Variants in PCDH15 observed in about 807,000 individuals in gnomAD.
The protein encoded by PCDH15 is protocadherin-15.
A neutral mutation model predicts 178.5 loss-of-function variants in PCDH15; 129 were observed. The observed-to-expected ratio is 0.72, with a 90% CI of 0.63 to 0.84. The LOEUF (loss-of-function observed/expected upper bound fraction) is 0.84, where lower values mean the gene tolerates loss of function less well. Among genes scored for constraint, PCDH15 ranks in the 40% least tolerant of loss-of-function variants. The pLI, the probability that PCDH15 is intolerant of heterozygous loss-of-function variation, is 0.00. For synonymous variants in PCDH15, 800 were observed against 732.0 expected (o/e 1.09, Z -1.50); for missense variants, 2,230 against 2,099.9 (o/e 1.06, Z -1.21).
chr10:55,507,140 A>T (rs1415787358), intron 2 of PCDH15, among the ~76,000 whole-genome samples: 1 of 151,662 alleles, frequency 6.6e-6, no homozygotes, highest in Non-Finnish European at 1.5e-5. Flanking sequence ...TTTATAAAAA[A>T]AATCTCACTC....
intron 2 of PCDH15, chr10:54,528,547 A>G: frequency 1.7e-6 from 1 of 585,422 alleles, no homozygotes; most frequent in Admixed American, 3.4e-5. Context: ...TGATTTGTGG[A>G]AATAGAATAT....
chr10:55,375,498 T>G (rs771303585), intron 2 of PCDH15, among the ~76,000 whole-genome samples: 2 of 152,138 alleles, frequency 1.3e-5, no homozygotes, highest in Non-Finnish European at 2.9e-5. Context: ...AATTTCTGTA[T>G]CAGAATATTA....
intron 2 of PCDH15, among the ~76,000 whole-genome samples, chr10:54,953,324 A>T (rs1016928569): frequency 6.6e-6 from 1 of 151,434 alleles, no homozygotes; most frequent in African/African-American, 2.4e-5. Flanking sequence ...AATTACATTA[A>T]TTAGCTTTTG....
intron 1 of PCDH15, among the ~76,000 whole-genome samples, chr10:55,177,982 A>C (rs1324836610): frequency 6.6e-6 from 1 of 152,148 alleles, no homozygotes; most frequent in Admixed American, 6.6e-5. Flanking sequence ...TAGTTCAGCT[A>C]ATTGTCCTCA....
intron 2 of PCDH15, among the ~76,000 whole-genome samples, chr10:55,474,946 G>A (rs770296721): frequency 6.6e-6 from 1 of 152,104 alleles, no homozygotes; most frequent in Non-Finnish European, 1.5e-5. Context: ...GCTTACTTGA[G>A]TTTTTGGGTG....
chr10:53,919,295 C>T (rs771540125), intron 25 of PCDH15, among the ~76,000 whole-genome samples: 3 of 152,058 alleles, frequency 2.0e-5, no homozygotes, highest in African/African-American at 7.2e-5. Context: ...ATGTAAAATT[C>T]GAAGGATCTA....
intron 3 of PCDH15, among the ~76,000 whole-genome samples, chr10:54,833,716 G>T (rs1953265667): frequency 1.3e-5 from 2 of 151,996 alleles, no homozygotes; most frequent in South Asian, 4.1e-4. Flanking sequence ...TACTTTATTG[G>T]CTCTGTTGCT....
chr10:54,221,770 T>A (rs2134199279), intron 9 of PCDH15, among the ~76,000 whole-genome samples: 1 of 152,224 alleles, frequency 6.6e-6, no homozygotes, highest in East Asian at 1.9e-4. Flanking sequence ...GCCCAGCTAA[T>A]TTTTGTATTT....
intron 8 of PCDH15, among the ~76,000 whole-genome samples, chr10:54,279,135 AT>A (rs2058524400): frequency 6.6e-6 from 1 of 151,574 alleles, no homozygotes; most frequent in Non-Finnish European, 1.5e-5. Flanking sequence ...TTAATGAAAA[AT>A]ATCAATATTA....
intron 8 of PCDH15, among the ~76,000 whole-genome samples, chr10:54,292,500 G>C (rs1198669971): frequency 6.6e-6 from 1 of 152,140 alleles, no homozygotes; most frequent in African/African-American, 2.4e-5. Context: ...AGAAATAAAG[G>C]ACATTCAATT....
chr10:55,138,153 G>T (rs968400418), intron 2 of PCDH15, among the ~76,000 whole-genome samples: 5 of 152,034 alleles, frequency 3.3e-5, no homozygotes, highest in African/African-American at 1.2e-4. Context: ...GCCAAATTTA[G>T]CAAATAAACA....
At chr10:53,962,044 A>G in intron 21 of PCDH15, 152 bp from the exon 22 acceptor site, 1 of 657,336 alleles carries the variant, frequency 1.5e-6, no homozygotes, top group Non-Finnish European at 2.6e-6. Context: ...ATGTAGCCAG[A>G]TCATTATTTC....
chr10:54,432,600 A>G (rs1957095052), intron 3 of PCDH15, among the ~76,000 whole-genome samples: 5 of 152,152 alleles, frequency 3.3e-5, no homozygotes, highest in Admixed American at 3.3e-4. Flanking sequence ...AAAGACTGAA[A>G]TCTAAGACTT....
At chr10:55,114,565 A>G (rs1837584951) in intron 2 of PCDH15, among the ~76,000 whole-genome samples, 1 of 152,350 alleles carries the variant, frequency 6.6e-6, no homozygotes, top group Non-Finnish European at 1.5e-5. Context: ...ATGTAAGACA[A>G]CTATGACTAA....
rs570334600 is a variant in PCDH15, at chr10:54,501,485, T to C, written c.157+26327A>G. Among the ~76,000 whole-genome samples the C allele has an allele frequency of 1.3e-3, 200 of 152,262 alleles. 1 individual carries two copies. Among genetic ancestry groups the C allele is most frequent in the African/African-American group, 4.7e-3 (197 of 41,584 alleles). ...ATTCCATCTAAAGTGATAATTGATT[T>C]CCACAGTGTTAAACCAACAACTTTG... is the stretch of plus-strand genomic sequence containing the variant. On this transcript the variant is annotated intron_variant, in intron 3 of 37. Coordinates refer to ENST00000644397, the MANE Select transcript of PCDH15 (RefSeq NM_001384140.1).
At chr10:55,608,737 C>T (rs939656322) in intron 2 of PCDH15, among the ~76,000 whole-genome samples, 3 of 151,770 alleles carry the variant, frequency 2.0e-5, no homozygotes, top group African/African-American at 7.3e-5. Flanking sequence ...GAGGGGTTTA[C>T]ATAGCAGAAA....
intron 3 of PCDH15, among the ~76,000 whole-genome samples, chr10:54,433,788 C>A (rs1433108216): frequency 6.6e-6 from 1 of 152,106 alleles, no homozygotes; most frequent in Non-Finnish European, 1.5e-5. Flanking sequence ...ATGCCCGTAT[C>A]AAAGCATCTC....
intron 32 of PCDH15, chr10:53,825,217 A>G (rs911862120): frequency 7.7e-5 from 114 of 1,476,782 alleles, no homozygotes; most frequent in Non-Finnish European, 1.0e-4. Context: ...ATTTAAAACA[A>G]TTCTGAAAAT....
intron 2 of PCDH15, among the ~76,000 whole-genome samples, chr10:55,032,588 A>C (rs2131967782): frequency 6.6e-6 from 1 of 152,320 alleles, no homozygotes; most frequent in Admixed American, 6.5e-5. Flanking sequence ...AGGAAAGCAA[A>C]ATGTAAAAAT....
Sources: allele counts gnomAD v4.1 joint callset (sites outside exome capture counted in the v4.1 genomes callset), GRCh38; gene constraint gnomAD v4.1.1; transcripts MANE v1.5; gene names NCBI Gene and HGNC (gene_info 2026-07-23, HGNC 2026-07-21).